TTC27: variants seen among roughly 807,000 people sequenced by gnomAD.
TTC27 encodes the protein tetratricopeptide repeat domain 27, also known as tetratricopeptide repeat protein 27.
A neutral mutation model predicts 115.9 loss-of-function variants in TTC27; 79 were observed. That is an observed-to-expected ratio of 0.68 (90% CI 0.57 to 0.82). TTC27 has a LOEUF of 0.82. Ranked by LOEUF, TTC27 falls within the 40% of genes least tolerant of loss-of-function variation. The probability of loss-of-function intolerance (pLI) is 0.00; values close to 1 mark genes in which losing one functional copy is unlikely to be tolerated. For missense variants in TTC27, 1,054 were observed against 993.1 expected, an observed-to-expected ratio of 1.06 and a Z score of -0.82; for synonymous variants, 401 against 356.0, an observed-to-expected ratio of 1.13 and a Z score of -1.42.
intron 9 of TTC27, among the ~76,000 whole-genome samples, chr2:32,681,978 ATATGTGTGTGTGTGTG>A (rs1246805549): frequency 1.4e-4 from 19 of 137,888 alleles, no homozygotes; most frequent in East Asian, 4.1e-4. Context: ...ATATGTATAT[ATATGTGTGTGTGTGTG>A]TGTGTGTGTG....
rs188990705 is a variant in TTC27 at position 32,632,114 on chromosome 2, A to T, written c.266+1414A>T. 7.5e-3 allele frequency among the ~76,000 whole-genome samples: 1,114 copies of T among 148,404 alleles called. 9 individuals are homozygous for T. The highest frequency in any genetic ancestry group is 0.012 in the Non-Finnish European group (776 of 67,188). On this transcript the variant is annotated intron_variant, in intron 2 of 19. Coordinates refer to ENST00000317907, the MANE Select transcript of TTC27 (RefSeq NM_017735.5). ...ACGTGAGCCACTTCGCCCAGCCTCC[A>T]TTTAATTTTTTTTAGTTTACTGGTA...
intron 10 of TTC27, among the ~76,000 whole-genome samples, chr2:32,715,719 C>T (rs148057414): frequency 1.3e-5 from 2 of 152,244 alleles, no homozygotes; most frequent in East Asian, 3.9e-4. Context: ...CATGACCTAT[C>T]TCATTAATTC....
chr2:32,789,921 C>CAAAA (rs34859954), intron 16 of TTC27, among the ~76,000 whole-genome samples: 545 of 25,850 alleles, frequency 0.021, 30 homozygotes, highest in East Asian at 0.037. Flanking sequence ...ACCCTGTCTC[C>CAAAA]AAAAAAAAAA....
intron 14 of TTC27, 133 bp from the exon 15 acceptor site, chr2:32,782,492 TA>T (rs1350214361): frequency 6.9e-6 from 4 of 581,892 alleles, no homozygotes; most frequent in Non-Finnish European, 1.2e-5. Flanking sequence ...CATATACCTT[TA>T]AACACACTCT....
intron 4 of TTC27, among the ~76,000 whole-genome samples, chr2:32,642,001 G>A (rs895212421): frequency 5.9e-5 from 9 of 152,014 alleles, no homozygotes; most frequent in African/African-American, 1.9e-4. Context: ...GACTACAGGC[G>A]GCTGCCACGA....
At chr2:32,758,935 TG>T (rs1235405071) in intron 13 of TTC27, among the ~76,000 whole-genome samples, 1 of 152,184 alleles carries the variant, frequency 6.6e-6, no homozygotes, top group African/African-American at 2.4e-5. Context: ...GCATATAGAA[TG>T]GATTCTTGAT....
chr2:32,739,131 C>T (rs191854536), intron 12 of TTC27, among the ~76,000 whole-genome samples: 14 of 152,258 alleles, frequency 9.2e-5, no homozygotes, highest in Admixed American at 9.2e-4. Flanking sequence ...TAAAGTAGTA[C>T]TCAGATGTTT....
chr2:32,717,305 A>G (rs1408842178), intron 10 of TTC27, among the ~76,000 whole-genome samples: 1 of 152,112 alleles, frequency 6.6e-6, no homozygotes, highest in Non-Finnish European at 1.5e-5. Flanking sequence ...CTTCAACCCA[A>G]TCTTACAGCA....
chr2:32,670,567 C>T (rs1416226841), intron 7 of TTC27, among the ~76,000 whole-genome samples: 1 of 152,026 alleles, frequency 6.6e-6, no homozygotes, highest in East Asian at 1.9e-4. Flanking sequence ...AATAAACCTG[C>T]CTAGAAAATA....
Position 32,677,252 on chromosome 2 carries a change from A to G in TTC27, c.1053-1604A>G, listed in dbSNP as rs924399562. Among the ~76,000 whole-genome samples the G allele has an allele frequency of 5.9e-5, 9 of 152,110 alleles. No homozygotes were observed. The East Asian group carries it at 1.7e-3, about 29-fold the overall frequency. On this transcript the variant is annotated intron_variant, in intron 8 of 19. Transcript: ENST00000317907. ...ACTTTGCAGTATAGCATTCTGTTGG[A>G]TGAATATACAACAATTTGTCGTTTT...
intron 12 of TTC27, among the ~76,000 whole-genome samples, chr2:32,749,009 G>A (rs1272355977): frequency 6.6e-6 from 1 of 152,076 alleles, no homozygotes; most frequent in Non-Finnish European, 1.5e-5. Flanking sequence ...CTTAATGCCT[G>A]TACCAGGGAT....
chr2:32,814,884 C>G (rs1199918131), intron 18 of TTC27, among the ~76,000 whole-genome samples: 1 of 152,154 alleles, frequency 6.6e-6, no homozygotes, highest in African/African-American at 2.4e-5. Context: ...ATTTCTTACA[C>G]CGTATCCCCA....
intron 2 of TTC27, 131 bp downstream of exon 2, chr2:32,630,831 C>A: frequency 1.3e-6 from 1 of 761,788 alleles, no homozygotes. Flanking sequence ...CATGGTGTAC[C>A]AAGTAATCTA....
chr2:32,714,809 G>A (rs1443702128), intron 10 of TTC27, among the ~76,000 whole-genome samples: 2 of 152,162 alleles, frequency 1.3e-5, no homozygotes, highest in East Asian at 3.9e-4. Context: ...TCTCATTGTA[G>A]TTTTGATTTA....
chr2:32,746,203 T>C (rs566522433), intron 12 of TTC27, among the ~76,000 whole-genome samples: 1 of 152,142 alleles, frequency 6.6e-6, no homozygotes, highest in Non-Finnish European at 1.5e-5. Context: ...GTTTTTTTTG[T>C]TTGGGGAATG....
intron 8 of TTC27, among the ~76,000 whole-genome samples, chr2:32,673,646 A>T (rs1485669626): frequency 6.6e-6 from 1 of 152,218 alleles, no homozygotes; most frequent in African/African-American, 2.4e-5. Context: ...CTTCAATCAC[A>T]TGATTAAAGT....
chr2:32,696,609 G>C (rs2151897746), intron 9 of TTC27, among the ~76,000 whole-genome samples: 1 of 152,126 alleles, frequency 6.6e-6, no homozygotes, highest in African/African-American at 2.4e-5. Context: ...CACATTTTAT[G>C]ATCCATTCCT....
At chr2:32,808,723 C>G (rs4952271) in intron 16 of TTC27, among the ~76,000 whole-genome samples, 42,170 of 152,122 alleles carry the variant, frequency 0.28, 6,205 homozygotes, top group South Asian at 0.52. Context: ...CTCCCCACAT[C>G]GTCTCCCCAG....
chr2:32,632,736 A>G (rs927880764), intron 2 of TTC27, among the ~76,000 whole-genome samples: 13 of 152,088 alleles, frequency 8.5e-5, no homozygotes, highest in African/African-American at 3.1e-4. Flanking sequence ...TGTGGGGAAA[A>G]AAGTGATTAC....
Sources: gnomAD v4.1 joint callset for allele counts (sites outside exome capture counted in the v4.1 genomes callset) on GRCh38, gnomAD v4.1.1 for gene constraint, MANE v1.5 for transcripts, NCBI Gene and HGNC (gene_info 2026-07-23, HGNC 2026-07-21) for gene names.